RFX3: variants seen among roughly 807,000 people sequenced by gnomAD.
The protein encoded by RFX3 is regulatory factor X3, also known as transcription factor RFX3.
A neutral mutation model predicts 98.6 loss-of-function variants in RFX3; 14 were observed. That is an observed-to-expected ratio of 0.14 (90% CI 0.09 to 0.22). The LOEUF is 0.22. Among genes scored for constraint, RFX3 ranks in the 10% least tolerant of loss-of-function variants. RFX3 has a pLI of 1.00. For missense variants in RFX3, 639 were observed against 926.9 expected (o/e 0.69, Z 4.03); for synonymous variants, 383 against 328.4 (o/e 1.17, Z -1.80).
At chr9:3,430,636 G>A (rs1334493465) in intron 1 of RFX3, among the ~76,000 whole-genome samples, 1 of 152,036 alleles carries the variant, frequency 6.6e-6, no homozygotes, top group Non-Finnish European at 1.5e-5. Context: ...CACAAAATCT[G>A]ATTCATTCTT....
chr9:3,505,309 T>TAAA (rs1816899603), intron 1 of RFX3, among the ~76,000 whole-genome samples: 4 of 76,160 alleles, frequency 5.3e-5, no homozygotes, highest in African/African-American at 3.3e-4. Context: ...TATATATAAA[T>TAAA]ATATATTAAT....
In RFX3 at chr9:3,248,083, T is replaced by C. The variant is rs760436215; in HGVS notation, c.1917A>G (p.Glu639=). ...LYDEYMFYLV[E]HRVAQATGET... is the part of the protein sequence containing the mutation. Reference sequence around the variant, plus strand: ...CTCCTGTTGCCTGAGCAACACGATGTTCTACTAAGTAAAACATATATTCGT... The same window carrying C: ...CTCCTGTTGCCTGAGCAACACGATGCTCTACTAAGTAAAACATATATTCGT... The change falls in exon 15 of 17, where the codon GAA becomes GAG. Residue 639 remains glutamate, a synonymous_variant. Coordinates refer to ENST00000617270, the MANE Select transcript of RFX3 (RefSeq NM_001282116.2). 6.2e-6 allele frequency: 10 copies of C among 1,614,044 alleles called. No homozygotes were observed. The Middle Eastern group carries it at 4.9e-4, about 80-fold the overall frequency.
chr9:3,400,194 G>A (rs758231552), intron 1 of RFX3: 3 of 971,446 alleles, frequency 3.1e-6, no homozygotes, highest in African/African-American at 3.5e-5. Context: ...CCATACAGAC[G>A]CTGCACAAAG....
In RFX3 at chr9:3,293,160, T is replaced by C; in HGVS notation, c.648A>G (p.Lys216=). 6.2e-7 allele frequency: 1 copy of C among 1,613,760 alleles called. No homozygotes were observed. Among genetic ancestry groups the C allele is most frequent in the Non-Finnish European group, 8.5e-7 (1 of 1,179,778 alleles). The change falls in exon 6 of 17, where the codon AAA becomes AAG. Residue 216 remains lysine (K), a synonymous_variant. Transcript: ENST00000617270. Reference sequence around the variant, plus strand: ...AAGAGGCAGCATTGACTGGGTCCAGTTTGTGTTCCTGACAGTGTCGAAGGT... The same window carrying C: ...AAGAGGCAGCATTGACTGGGTCCAGCTTGTGTTCCTGACAGTGTCGAAGGT... ...NHYLRHCQEH[K]LDPVNAASFG...
intron 14 of RFX3, 103 bp downstream of exon 14, chr9:3,256,888 T>C: frequency 1.8e-6 from 2 of 1,097,990 alleles, no homozygotes; most frequent in Admixed American, 4.0e-5. Context: ...AACTAAAGTC[T>C]TTATTACTTT....
intron 2 of RFX3, among the ~76,000 whole-genome samples, chr9:3,382,825 G>A (rs1040439192): frequency 5.9e-5 from 9 of 152,006 alleles, no homozygotes; most frequent in East Asian, 1.9e-4. Flanking sequence ...TTTATTTTTC[G>A]CTATATATTT....
intron 1 of RFX3, among the ~76,000 whole-genome samples, chr9:3,407,893 A>C (rs762587563): frequency 1.3e-5 from 2 of 152,184 alleles, no homozygotes; most frequent in East Asian, 3.8e-4. Context: ...TGAAGCATCA[A>C]TACAGATAGG....
At chr9:3,393,957 A>G (rs772859667) in intron 2 of RFX3, among the ~76,000 whole-genome samples, 1 of 152,200 alleles carries the variant, frequency 6.6e-6, no homozygotes, top group South Asian at 2.1e-4. Context: ...GCAAACCTGC[A>G]TATGTATGCT....
intron 15 of RFX3, chr9:3,247,822 GA>G (rs1563796581): frequency 6.2e-7 from 1 of 1,605,150 alleles, no homozygotes. Flanking sequence ...ACTTTCACAT[GA>G]TATAATCCAC....
chr9:3,262,487 C>G, intron 13 of RFX3, among the ~76,000 whole-genome samples: 1 of 151,964 alleles, frequency 6.6e-6, no homozygotes, highest in East Asian at 1.9e-4. Context: ...GGAGGGGCAA[C>G]AAAATAGAAA....
intron 1 of RFX3, among the ~76,000 whole-genome samples, chr9:3,520,002 C>A (rs1382628554): frequency 6.6e-6 from 1 of 152,052 alleles, no homozygotes; most frequent in East Asian, 1.9e-4. Context: ...CCTAGCTACT[C>A]AGGAGGCTGT....
chr9:3,489,498 T>G, intron 1 of RFX3: 2 of 778,740 alleles, frequency 2.6e-6, no homozygotes, highest in Non-Finnish European at 3.1e-6. Context: ...AGGGGAATTA[T>G]GACATCAGCA....
intron 3 of RFX3, among the ~76,000 whole-genome samples, chr9:3,339,727 GAATGAAATAAA>G (rs758144916): frequency 3.3e-5 from 5 of 152,002 alleles, no homozygotes; most frequent in Non-Finnish European, 7.4e-5. Flanking sequence ...GATCAGTTAA[GAATGAAATAAA>G]AATGAAATAA....
At chr9:3,337,173 G>C (rs1207865343) in intron 3 of RFX3, among the ~76,000 whole-genome samples, 2 of 152,124 alleles carry the variant, frequency 1.3e-5, no homozygotes, top group Non-Finnish European at 2.9e-5. Flanking sequence ...AGAAAACGGA[G>C]TTGCAATCAG....
chr9:3,411,270 T>C (rs1410450006), intron 1 of RFX3, among the ~76,000 whole-genome samples: 1 of 152,202 alleles, frequency 6.6e-6, no homozygotes, highest in Non-Finnish European at 1.5e-5. Context: ...CAATGGAATT[T>C]TTTTAAATGT....
intron 3 of RFX3, among the ~76,000 whole-genome samples, chr9:3,335,291 T>C (rs986795337): frequency 6.6e-6 from 1 of 152,096 alleles, no homozygotes; most frequent in African/African-American, 2.4e-5. Flanking sequence ...TTTAAGCTCC[T>C]GAATAAATAC....
At chr9:3,340,575 C>T (rs1412402526) in intron 3 of RFX3, among the ~76,000 whole-genome samples, 2 of 152,042 alleles carry the variant, frequency 1.3e-5, no homozygotes. Flanking sequence ...CAAACAACCC[C>T]ATCAAAAAGT....
At chr9:3,400,982 C>T (rs1841423955) in intron 1 of RFX3, among the ~76,000 whole-genome samples, 1 of 152,152 alleles carries the variant, frequency 6.6e-6, no homozygotes, top group African/African-American at 2.4e-5. Flanking sequence ...TTTGCAATAT[C>T]ATGATGATAG....
At chr9:3,457,790 G>A (rs1216130913) in intron 1 of RFX3, among the ~76,000 whole-genome samples, 2 of 151,696 alleles carry the variant, frequency 1.3e-5, no homozygotes, top group Admixed American at 6.6e-5. Flanking sequence ...ATGTTTTACC[G>A]ATTGCCATCT....
Sources: gnomAD v4.1 joint callset for allele counts (sites outside exome capture counted in the v4.1 genomes callset) on GRCh38, gnomAD v4.1.1 for gene constraint, MANE v1.5 for transcripts, NCBI Gene and HGNC (gene_info 2026-07-23, HGNC 2026-07-21) for gene names.